The following PCDH15 variants were observed in gnomAD, a reference collection of about 807,000 sequenced individuals.
PCDH15 encodes the protein protocadherin related 15.
Under a neutral mutation model 178.5 loss-of-function variants are expected in PCDH15, and 129 were observed. That is an observed-to-expected ratio of 0.72 (90% confidence interval 0.63 to 0.84). The LOEUF is 0.84. Among genes scored for constraint, PCDH15 ranks in the 40% least tolerant of loss-of-function variants. The pLI is 0.00. For synonymous variants in PCDH15, 800 were observed against 732.0 expected, an observed-to-expected ratio of 1.09 and a Z score of -1.50; for missense variants, 2,230 against 2,099.9, an observed-to-expected ratio of 1.06 and a Z score of -1.21.
At chr10:54,651,154 G>A (rs890501999) in intron 2 of PCDH15, among the ~76,000 whole-genome samples, 14 of 152,008 alleles carry the variant, frequency 9.2e-5, no homozygotes, top group African/African-American at 1.7e-4. Flanking sequence ...GATGGATTAC[G>A]AGAAAGAAAA....
At chr10:55,386,711 A>T (rs1390390307) in intron 2 of PCDH15, among the ~76,000 whole-genome samples, 3 of 152,092 alleles carry the variant, frequency 2.0e-5, no homozygotes, top group Non-Finnish European at 2.9e-5. Context: ...TCTATAAAAA[A>T]GATGGTCATT....
chr10:54,577,264 T>TTC (rs2090576419), intron 2 of PCDH15, among the ~76,000 whole-genome samples: 2 of 150,692 alleles, frequency 1.3e-5, no homozygotes, highest in African/African-American at 2.4e-5. Context: ...TTTTTTTTTT[T>TTC]GTAATTTTTA....
chr10:54,307,077 T>A (rs545859236), intron 8 of PCDH15, among the ~76,000 whole-genome samples: 1 of 9,704 alleles, frequency 1.0e-4, no homozygotes, highest in South Asian at 3.6e-3. Flanking sequence ...TATATATATA[T>A]ATACATATAT....
intron 2 of PCDH15, among the ~76,000 whole-genome samples, chr10:55,068,161 C>T (rs1002441651): frequency 6.6e-6 from 1 of 151,998 alleles, no homozygotes; most frequent in Non-Finnish European, 1.5e-5. Flanking sequence ...TTTGCCTACT[C>T]TAATGTCCTG....
intron 21 of PCDH15, among the ~76,000 whole-genome samples, chr10:53,990,818 T>C (rs541359603): frequency 6.6e-6 from 1 of 151,492 alleles, no homozygotes; most frequent in African/African-American, 2.4e-5. Flanking sequence ...GAGGGAGAGG[T>C]GCAGGTGGGA....
At chr10:53,861,155 T>A (rs2079083961) in intron 27 of PCDH15, among the ~76,000 whole-genome samples, 1 of 152,176 alleles carries the variant, frequency 6.6e-6, no homozygotes, top group African/African-American at 2.4e-5. Context: ...GATATTTAGC[T>A]GTTTAAGATT....
chr10:53,885,190 G>A (rs936768135), intron 26 of PCDH15, among the ~76,000 whole-genome samples: 6 of 151,814 alleles, frequency 4.0e-5, no homozygotes, highest in Admixed American at 2.6e-4. Context: ...CCCAGGCTGG[G>A]CTTATTTTTT....
chr10:53,858,211 C>CT (rs1377852972), intron 27 of PCDH15, among the ~76,000 whole-genome samples: 8 of 152,058 alleles, frequency 5.3e-5, no homozygotes, highest in Non-Finnish European at 7.4e-5. Flanking sequence ...ATTGAACACT[C>CT]TGAGTTAGGC....
intron 2 of PCDH15, among the ~76,000 whole-genome samples, chr10:55,616,138 C>A (rs2132165163): frequency 6.6e-6 from 1 of 152,234 alleles, no homozygotes; most frequent in East Asian, 1.9e-4. Flanking sequence ...GAATTTTCCA[C>A]ATTTTTAAAG....
chr10:54,189,574 T>TTAA (rs1324372865), intron 11 of PCDH15, among the ~76,000 whole-genome samples: 10 of 152,170 alleles, frequency 6.6e-5, no homozygotes, highest in Non-Finnish European at 1.0e-4. Flanking sequence ...AATACTTAAC[T>TTAA]GCTTTATGAG....
chr10:55,334,481 A>G (rs1844323732), intron 2 of PCDH15, among the ~76,000 whole-genome samples: 1 of 150,270 alleles, frequency 6.7e-6, no homozygotes, highest in African/African-American at 2.4e-5. Flanking sequence ...CTAATTTTGT[A>G]TTTTTAGTAA....
chr10:54,936,045 C>G (rs1421227690), intron 2 of PCDH15, among the ~76,000 whole-genome samples: 2 of 151,956 alleles, frequency 1.3e-5, no homozygotes, highest in Non-Finnish European at 2.9e-5. Flanking sequence ...ACTCATCATT[C>G]CCCTCAATAC....
chr10:54,845,726 C>A (rs966407909), intron 3 of PCDH15, among the ~76,000 whole-genome samples: 2 of 151,852 alleles, frequency 1.3e-5, no homozygotes, highest in East Asian at 3.9e-4. Context: ...AAGTGTAATA[C>A]GAATGGTAAG....
chr10:53,877,359 G>T (rs1000642091), intron 26 of PCDH15, among the ~76,000 whole-genome samples: 2 of 152,030 alleles, frequency 1.3e-5, no homozygotes, highest in Non-Finnish European at 2.9e-5. Context: ...GTTAACAAAA[G>T]AAAACACACA....
intron 2 of PCDH15, among the ~76,000 whole-genome samples, chr10:55,391,672 G>A (rs1837796788): frequency 6.6e-6 from 1 of 152,016 alleles, no homozygotes; most frequent in Admixed American, 6.6e-5. Flanking sequence ...ATATTTAGTA[G>A]AGACAAGGTT....
At chr10:54,995,117 T>C (rs942485859) in intron 2 of PCDH15, among the ~76,000 whole-genome samples, 14 of 151,926 alleles carry the variant, frequency 9.2e-5, no homozygotes, top group African/African-American at 2.7e-4. Flanking sequence ...TGGCTCACGT[T>C]TGTAATCCCA....
intron 18 of PCDH15, among the ~76,000 whole-genome samples, chr10:54,050,996 T>C (rs1041718607): frequency 2.0e-5 from 3 of 152,224 alleles, no homozygotes; most frequent in Non-Finnish European, 4.4e-5. Flanking sequence ...TGCATTTCTC[T>C]GCTCCTGCTA....
At chr10:53,807,712 A>C (rs1841290456) in intron 37 of PCDH15, among the ~76,000 whole-genome samples, 1 of 152,116 alleles carries the variant, frequency 6.6e-6, no homozygotes, top group South Asian at 2.1e-4. Context: ...TTTACTTGAC[A>C]TATCCTGGTT....
At chr10:55,076,474 C>G (rs535264870) in intron 2 of PCDH15, among the ~76,000 whole-genome samples, 1 of 148,966 alleles carries the variant, frequency 6.7e-6, no homozygotes, top group African/African-American at 2.5e-5. Context: ...TTTTTGGAGA[C>G]AGTGTCTCGC....
Sources: allele counts gnomAD v4.1 joint callset (sites outside exome capture counted in the v4.1 genomes callset), GRCh38; gene constraint gnomAD v4.1.1; transcripts MANE v1.5; gene names NCBI Gene and HGNC (gene_info 2026-07-23, HGNC 2026-07-21).